The following TRAF3 variants were observed in gnomAD, a reference collection of about 807,000 sequenced individuals.
TRAF3 encodes TNF receptor-associated factor 3.
A neutral mutation model predicts 62.3 loss-of-function variants in TRAF3; 13 were observed. The ratio of observed to expected loss-of-function variants is 0.21; its 90% CI spans 0.14 to 0.33. TRAF3 has a LOEUF of 0.33. TRAF3 is among the 10% of genes least tolerant of loss of function. TRAF3 has a pLI of 1.00. For missense variants in TRAF3, 440 were observed against 741.8 expected (o/e 0.59, Z 4.73); for synonymous variants, 269 against 283.4 (o/e 0.95, Z 0.51).
In TRAF3 at chr14:102,826,018, C is replaced by T. The variant is rs559284090; in HGVS notation, c.-156-4316C>T. ...AATGTGTTCATTCATTCATATCTCA[C>T]AGTAAGAGGGAAGGATGGGGGAGGA... On this transcript the variant is annotated intron_variant, in intron 1 of 11. Transcript: ENST00000392745. The surrounding 1 kb of genome is among the most constrained non-coding windows in gnomAD (Gnocchi z 4.6). Among the ~76,000 whole-genome samples the T allele has an allele frequency of 5.0e-4, 76 of 152,302 alleles. No individual in the cohort carries two copies. The highest frequency in any genetic ancestry group is 1.8e-3 in the African/African-American group (75 of 41,554).
intron 1 of TRAF3, among the ~76,000 whole-genome samples, chr14:102,783,774 A>C (rs1200654853): frequency 6.6e-6 from 1 of 152,220 alleles, no homozygotes; most frequent in South Asian, 2.1e-4. Flanking sequence ...GAGGGTACCA[A>C]CTTTGAGGAT....
At chr14:102,818,542 A>G (rs1956160) in intron 1 of TRAF3, among the ~76,000 whole-genome samples, 76,236 of 152,012 alleles carry the variant, frequency 0.5, 19,622 homozygotes, top group Admixed American at 0.56. Context: ...GTAGCCACTT[A>G]CTTCCCTTCA....
intron 2 of TRAF3, among the ~76,000 whole-genome samples, chr14:102,865,549 G>T (rs1887935849): frequency 6.7e-6 from 1 of 149,830 alleles, no homozygotes. Context: ...ACCGAGGCTG[G>T]AGTGCAGTGG....
intron 1 of TRAF3, among the ~76,000 whole-genome samples, chr14:102,805,840 G>A (rs8003237): frequency 0.51 from 77,422 of 152,010 alleles, 22,478 homozygotes; most frequent in South Asian, 0.74. Context: ...GGGATGGTTT[G>A]TGTGAGTACA....
intron 1 of TRAF3, among the ~76,000 whole-genome samples, chr14:102,825,162 G>A (rs1185170181): frequency 6.6e-6 from 1 of 152,236 alleles, no homozygotes; most frequent in African/African-American, 2.4e-5. Context: ...CCTTCGCCAG[G>A]AGGAGGTCAT....
chr14:102,779,446 AGTT>A (rs1347659957), intron 1 of TRAF3, among the ~76,000 whole-genome samples: 1 of 152,138 alleles, frequency 6.6e-6, no homozygotes, highest in Admixed American at 6.6e-5. Context: ...AACAGTGGCC[AGTT>A]GTTTCTGTTA....
At chr14:102,887,785 CG>C (rs1012036905) in intron 7 of TRAF3, among the ~76,000 whole-genome samples, 1 of 151,778 alleles carries the variant, frequency 6.6e-6, no homozygotes, top group Admixed American at 6.6e-5. Context: ...TTAGTAGAGA[CG>C]GGGTTTCACC....
Position 102,909,069 on chromosome 14 carries a change from C to T in TRAF3, c.*3285C>T, listed in dbSNP as rs1452388410. Reference sequence around the variant, plus strand: ...GCCTTTCTAGCAGGGTTGGGTGGCTCAGTGAGGGTGTGGAAGTGGGGGACC... The same window carrying T: ...GCCTTTCTAGCAGGGTTGGGTGGCTTAGTGAGGGTGTGGAAGTGGGGGACC... On this transcript the variant is annotated 3_prime_UTR_variant, in exon 12 of 12. Transcript: ENST00000392745. 6.6e-6 allele frequency: 1 copy of T among 152,494 alleles called. No homozygotes were observed. Among genetic ancestry groups the T allele is most frequent in the African/African-American group, 2.4e-5 (1 of 41,442 alleles). The allele number at this position is 152,494 out of a possible 1,614,324, so 9.4% of individuals were successfully genotyped here. A position where few individuals can be genotyped will look rare whatever the true frequency, so the allele number is the denominator to read the frequency against.
intron 6 of TRAF3, among the ~76,000 whole-genome samples, chr14:102,885,583 T>C (rs1421967841): frequency 6.6e-6 from 1 of 152,196 alleles, no homozygotes; most frequent in Non-Finnish European, 1.5e-5. Flanking sequence ...AGGTGAAGTT[T>C]GTGCTATTAG....
chr14:102,866,892 C>CACAA (rs1491199272), intron 2 of TRAF3, among the ~76,000 whole-genome samples: 1 of 146,486 alleles, frequency 6.8e-6, no homozygotes, highest in Non-Finnish European at 1.5e-5. Context: ...CACACACACA[C>CACAA]AAAACAATGA....
At chr14:102,868,284 C>G (rs1051275874) in intron 2 of TRAF3, among the ~76,000 whole-genome samples, 13 of 152,146 alleles carry the variant, frequency 8.5e-5, no homozygotes, top group Non-Finnish European at 7.3e-5. Context: ...CAAGAAAAAT[C>G]CTATAGTGCA....
intron 11 of TRAF3, 111 bp from the exon 12 acceptor site, chr14:102,905,102 A>G: frequency 8.7e-7 from 1 of 1,147,916 alleles, no homozygotes; most frequent in Non-Finnish European, 1.3e-6. Context: ...ACAGAGCGAG[A>G]CTCCGTCTCA....
chr14:102,898,299 A>G (rs1214862852), intron 10 of TRAF3, among the ~76,000 whole-genome samples: 1 of 152,260 alleles, frequency 6.6e-6, no homozygotes, highest in Non-Finnish European at 1.5e-5. Flanking sequence ...AGAGAAGGAG[A>G]AAACACAATG....
chr14:102,814,159 G>C (rs1353974722), intron 1 of TRAF3, among the ~76,000 whole-genome samples: 1 of 152,156 alleles, frequency 6.6e-6, no homozygotes, highest in Non-Finnish European at 1.5e-5. Flanking sequence ...AGCACCATTT[G>C]TTGAAGAGAC....
chr14:102,862,841 A>G (rs1887761334), intron 2 of TRAF3, among the ~76,000 whole-genome samples: 1 of 151,936 alleles, frequency 6.6e-6, no homozygotes, highest in Admixed American at 6.6e-5. Context: ...CAATTATCCT[A>G]TCTTTAAGTT....
chr14:102,811,550 G>GTTTTTTTTTTTTTTTTTTTTTTTT (rs35064640), intron 1 of TRAF3, among the ~76,000 whole-genome samples: 2 of 79,512 alleles, frequency 2.5e-5, no homozygotes, highest in African/African-American at 4.7e-5. Context: ...GCTGTAGGCG[G>GTTTTTTTTTTTTTTTTTTTTTTTT]TTTTTTTTTT....
chr14:102,792,771 G>C (rs1236865567), intron 1 of TRAF3, among the ~76,000 whole-genome samples: 1 of 151,950 alleles, frequency 6.6e-6, no homozygotes. Context: ...TGTGTTGTTA[G>C]ATTGAGTTTG....
intron 6 of TRAF3, among the ~76,000 whole-genome samples, chr14:102,877,617 A>G (rs1055678359): frequency 3.6e-5 from 5 of 138,670 alleles, no homozygotes; most frequent in African/African-American, 1.1e-4. Flanking sequence ...TCTGTTCCAC[A>G]GGCCTTCCGC....
intron 5 of TRAF3, 65 bp downstream of exon 5, chr14:102,875,793 A>G: frequency 7.2e-7 from 1 of 1,397,086 alleles, no homozygotes; most frequent in Non-Finnish European, 1.0e-6. Context: ...CATCCAGCTG[A>G]TGAAGTGGTC....
Sources: gnomAD v4.1 joint callset for allele counts (sites outside exome capture counted in the v4.1 genomes callset) on GRCh38, gnomAD v4.1.1 for gene constraint, Gnocchi (gnomAD v3.1) non-coding constraint, MANE v1.5 for transcripts, NCBI Gene and HGNC (gene_info 2026-07-23, HGNC 2026-07-21) for gene names.